KLHL2: variants seen among roughly 807,000 people sequenced by gnomAD.
KLHL2 encodes the protein kelch-like protein 2.
In KLHL2, 15 loss-of-function variants were observed where a neutral mutation model predicts 75.8. That is an observed-to-expected ratio of 0.20 (90% CI 0.13 to 0.30). The LOEUF is 0.30. KLHL2 is among the 10% of genes least tolerant of loss of function. KLHL2 has a pLI of 1.00. For missense variants in KLHL2, 381 were observed against 741.0 expected, an observed-to-expected ratio of 0.51 and a Z score of 5.64; for synonymous variants, 214 against 251.9, an observed-to-expected ratio of 0.85 and a Z score of 1.42.
intron 5 of KLHL2, among the ~76,000 whole-genome samples, chr4:165,264,749 T>TATAC (rs1553958094): frequency 5.4e-5 from 4 of 73,722 alleles, no homozygotes; most frequent in African/African-American, 1.1e-4. Context: ...TGTATATATA[T>TATAC]ATATATATAT....
chr4:165,258,667 A>C (rs1264030481), intron 4 of KLHL2, among the ~76,000 whole-genome samples: 2 of 152,228 alleles, frequency 1.3e-5, no homozygotes, highest in African/African-American at 4.8e-5. Context: ...TGACCTAAAT[A>C]GCAAATTAAG....
intron 4 of KLHL2, among the ~76,000 whole-genome samples, chr4:165,249,862 C>T (rs180676667): frequency 1.4e-4 from 21 of 152,280 alleles, no homozygotes; most frequent in Non-Finnish European, 2.9e-4. Context: ...CGGTGGCTCA[C>T]GCCTGTAATC....
rs1741830596 is a variant in KLHL2 at position 165,263,092 on chromosome 4, C to T, written c.382-105C>T. 3.2e-6 allele frequency: 3 copies of T among 927,900 alleles called. No individual in the cohort carries two copies. The South Asian group carries it at 5.0e-5, about 15-fold the overall frequency. The allele number at this position is 927,900 out of a possible 1,614,324, so 57.5% of individuals were successfully genotyped here. A position where few individuals can be genotyped will look rare whatever the true frequency, so the allele number is the denominator to read the frequency against. On this transcript the variant is annotated intron_variant, in intron 4 of 14. Coordinates refer to ENST00000226725, the MANE Select transcript of KLHL2 (RefSeq NM_007246.4). ...TCTAGGGAATATGGGGGTATGGACG[C>T]AGATAATAAACTATGGCTGAACATC... is the stretch of plus-strand genomic sequence containing the variant.
At chr4:165,311,405 T>C in intron 10 of KLHL2, 59 bp from the exon 11 acceptor site, 1 of 1,204,788 alleles carries the variant, frequency 8.3e-7, no homozygotes, top group Non-Finnish European at 1.2e-6. Flanking sequence ...TTTTTCCATA[T>C]ATATGAACTA....
rs1742109332 is a variant in KLHL2, at chr4:165,264,767, A to AT, written c.544+1408_544+1409insT. On this transcript the variant is annotated intron_variant, in intron 5 of 14. Transcript: ENST00000226725. The stretch of plus-strand genomic sequence containing the variant: ...ATATATATATATATATATATATATA[A>AT]AACATTATCCACTCATTGGCTGATG... Among the ~76,000 whole-genome samples, 11 of 72,036 alleles carry AT rather than the reference A, an allele frequency of 1.5e-4. No individual in the cohort carries two copies. The South Asian group carries it at 3.6e-3, about 23-fold the overall frequency. 47.3% of individuals were successfully genotyped at this position (72,036 alleles called of 152,430 possible).
At chr4:165,277,213 T>C (rs974396232) in intron 5 of KLHL2, among the ~76,000 whole-genome samples, 2 of 152,084 alleles carry the variant, frequency 1.3e-5, no homozygotes, top group Admixed American at 6.5e-5. Flanking sequence ...CTACCCTCAG[T>C]GTATAAAATA....
chr4:165,247,048 A>AGAC (rs567152301), intron 4 of KLHL2, among the ~76,000 whole-genome samples: 133 of 152,306 alleles, frequency 8.7e-4, no homozygotes, highest in African/African-American at 3.0e-3. Context: ...TGCTTCAAGG[A>AGAC]GACAGTGTTT....
intron 11 of KLHL2, among the ~76,000 whole-genome samples, chr4:165,312,926 C>T (rs929384127): frequency 5.9e-5 from 9 of 152,112 alleles, no homozygotes; most frequent in Non-Finnish European, 1.2e-4. Flanking sequence ...TTCTGTCTTA[C>T]AGGATGTTGT....
intron 4 of KLHL2, among the ~76,000 whole-genome samples, chr4:165,256,292 G>A (rs1249254806): frequency 3.9e-5 from 6 of 152,068 alleles, no homozygotes; most frequent in Non-Finnish European, 1.5e-5. Context: ...TCCATTGGTT[G>A]GAAATCAACA....
At chr4:165,241,556 A>G (rs1739818048) in intron 4 of KLHL2, among the ~76,000 whole-genome samples, 1 of 151,876 alleles carries the variant, frequency 6.6e-6, no homozygotes. Flanking sequence ...TTCTCACTGG[A>G]CCTAGACTCA....
chr4:165,293,463 T>G (rs956165100), intron 5 of KLHL2, among the ~76,000 whole-genome samples: 1 of 152,036 alleles, frequency 6.6e-6, no homozygotes, highest in African/African-American at 2.4e-5. Flanking sequence ...TATTTAGAAT[T>G]CAGAGCTATC....
At chr4:165,241,449 A>G (rs1465811380) in intron 4 of KLHL2, among the ~76,000 whole-genome samples, 3 of 152,112 alleles carry the variant, frequency 2.0e-5, no homozygotes, top group Non-Finnish European at 2.9e-5. Context: ...AAGTGGCCCT[A>G]ACTGGAAGCC....
chr4:165,261,258 A>G (rs1337424779), intron 4 of KLHL2, among the ~76,000 whole-genome samples: 1 of 152,274 alleles, frequency 6.6e-6, no homozygotes, highest in Non-Finnish European at 1.5e-5. Flanking sequence ...TTCTGTGGAT[A>G]TTCATTCTCA....
At chr4:165,265,780 CAT>C (rs940978954) in intron 5 of KLHL2, among the ~76,000 whole-genome samples, 12 of 152,166 alleles carry the variant, frequency 7.9e-5, no homozygotes, top group African/African-American at 2.4e-4. Context: ...TCGCAATAAA[CAT>C]GTGTGCGTGT....
chr4:165,253,883 G>A (rs1229019486), intron 4 of KLHL2, among the ~76,000 whole-genome samples: 1 of 152,198 alleles, frequency 6.6e-6, no homozygotes, highest in Non-Finnish European at 1.5e-5. Context: ...GATGAGTATT[G>A]CATTGTAAGG....
At chr4:165,271,266 T>C (rs1339546806) in intron 5 of KLHL2, among the ~76,000 whole-genome samples, 3 of 152,226 alleles carry the variant, frequency 2.0e-5, no homozygotes, top group Non-Finnish European at 4.4e-5. Context: ...ATGGTGTTGA[T>C]TCTTCTAGTC....
chr4:165,210,056 C>T (rs1483592896), intron 1 of KLHL2: 2 of 1,550,868 alleles, frequency 1.3e-6, no homozygotes, highest in East Asian at 4.9e-5. Context: ...CCAGTGGAAA[C>T]TATTAGGAAG....
intron 4 of KLHL2, among the ~76,000 whole-genome samples, chr4:165,250,808 C>T (rs1299631140): frequency 7.2e-5 from 11 of 152,054 alleles, no homozygotes; most frequent in Non-Finnish European, 1.3e-4. Context: ...TATGACTTTT[C>T]CTTCCCTCTT....
intron 4 of KLHL2, among the ~76,000 whole-genome samples, chr4:165,260,858 A>G (rs976846429): frequency 2.8e-4 from 42 of 152,206 alleles, no homozygotes; most frequent in Non-Finnish European, 4.9e-4. Flanking sequence ...GTCAGAGGAC[A>G]TGTGCATTTG....
Sources: allele counts gnomAD v4.1 joint callset (sites outside exome capture counted in the v4.1 genomes callset), GRCh38; gene constraint gnomAD v4.1.1; transcripts MANE v1.5; gene names NCBI Gene and HGNC (gene_info 2026-07-23, HGNC 2026-07-21).